DBX2: variants seen among roughly 807,000 people sequenced by gnomAD.
The protein encoded by DBX2 is homeobox protein DBX2.
A neutral mutation model predicts 17.7 loss-of-function variants in DBX2; 16 were observed. The observed-to-expected ratio is 0.90, with a 90% CI of 0.61 to 1.37. The LOEUF is 1.37. Ranked by LOEUF, DBX2 falls within the 40% of genes most tolerant of loss-of-function variation. The pLI is 0.00. For missense variants in DBX2, 538 were observed against 433.8 expected (o/e 1.24, Z -2.13); for synonymous variants, 255 against 183.8 (o/e 1.39, Z -3.13).
chr12:45,038,780 C>A (rs991918736), intron 1 of DBX2, among the ~76,000 whole-genome samples: 21 of 152,030 alleles, frequency 1.4e-4, no homozygotes, highest in Non-Finnish European at 2.1e-4. Context: ...ATGTGGTTTA[C>A]AGATATCTGA....
intron 1 of DBX2, among the ~76,000 whole-genome samples, chr12:45,049,576 G>A (rs1245938756): frequency 6.6e-6 from 1 of 151,294 alleles, no homozygotes; most frequent in Admixed American, 6.6e-5. Flanking sequence ...TGGGACAATG[G>A]AAACTGCTGA....
intron 3 of DBX2, among the ~76,000 whole-genome samples, chr12:45,021,170 T>G (rs1180061668): frequency 6.6e-6 from 1 of 152,148 alleles, no homozygotes; most frequent in Non-Finnish European, 1.5e-5. Flanking sequence ...ATTGATACAT[T>G]TGTGTAATGG....
chr12:45,046,866 G>A (rs780131504), intron 1 of DBX2, among the ~76,000 whole-genome samples: 5 of 152,120 alleles, frequency 3.3e-5, no homozygotes, highest in Non-Finnish European at 7.4e-5. Flanking sequence ...TACACAGAAT[G>A]ACTTACTTGG....
intron 1 of DBX2, among the ~76,000 whole-genome samples, chr12:45,039,325 A>C (rs1592757513): frequency 7.6e-6 from 1 of 132,288 alleles, no homozygotes; most frequent in South Asian, 2.5e-4. Flanking sequence ...ATATATATGT[A>C]TCACACTTTT....
chr12:45,019,048 T>C (rs1028570421), intron 3 of DBX2, among the ~76,000 whole-genome samples: 1 of 151,888 alleles, frequency 6.6e-6, no homozygotes, highest in Non-Finnish European at 1.5e-5. Context: ...GATGAAAAAA[T>C]TTCTGGAGAT....
At chr12:45,026,033 C>T (rs1440184212) in intron 2 of DBX2, among the ~76,000 whole-genome samples, 2 of 152,008 alleles carry the variant, frequency 1.3e-5, no homozygotes, top group African/African-American at 4.8e-5. Flanking sequence ...TTGGTCTTAG[C>T]ATGTTGGTTA....
At chr12:45,044,762 C>T (rs536390527) in intron 1 of DBX2, among the ~76,000 whole-genome samples, 2 of 151,980 alleles carry the variant, frequency 1.3e-5, no homozygotes, top group African/African-American at 2.4e-5. Flanking sequence ...GTTCACATAC[C>T]TCACAAAAGT....
At chr12:45,033,203 G>A (rs1396185684) in intron 2 of DBX2, among the ~76,000 whole-genome samples, 2 of 152,216 alleles carry the variant, frequency 1.3e-5, no homozygotes, top group Non-Finnish European at 2.9e-5. Flanking sequence ...ATCAGGTTAA[G>A]AGTCAAAATT....
chr12:45,042,024 T>C (rs900654721), intron 1 of DBX2, among the ~76,000 whole-genome samples: 9 of 152,198 alleles, frequency 5.9e-5, no homozygotes, highest in Non-Finnish European at 1.2e-4. Context: ...TAGAATTGTC[T>C]GGGCTGCTTC....
chr12:45,048,652 T>C (rs1338507932), intron 1 of DBX2, among the ~76,000 whole-genome samples: 1 of 152,226 alleles, frequency 6.6e-6, no homozygotes, highest in Non-Finnish European at 1.5e-5. Flanking sequence ...ATTCTGGTTT[T>C]TAAGCAGCAT....
chr12:45,046,928 T>A (rs951978834), intron 1 of DBX2, among the ~76,000 whole-genome samples: 1 of 152,228 alleles, frequency 6.6e-6, no homozygotes, highest in Admixed American at 6.5e-5. Flanking sequence ...GAATGAACAT[T>A]TGCTTTCCAA....
At chr12:45,032,508 G>A (rs1946415821) in intron 2 of DBX2, among the ~76,000 whole-genome samples, 1 of 152,138 alleles carries the variant, frequency 6.6e-6, no homozygotes, top group Non-Finnish European at 1.5e-5. Context: ...CTTTGACCAT[G>A]AAACTCACAG....
chr12:45,050,654 C>T lies in DBX2; in HGVS notation c.274G>A (p.Val92Ile). 1 of 1,549,348 alleles carries T rather than the reference C, an allele frequency of 6.5e-7. No individual in the cohort carries two copies. Among genetic ancestry groups the T allele is most frequent in the Non-Finnish European group, 8.7e-7 (1 of 1,146,686 alleles). Residue 92 changes from valine (V) to isoleucine (I), a missense_variant, in exon 1 of 4, where the codon GTT becomes ATT. Coordinates refer to ENST00000332700, the MANE Select transcript of DBX2 (RefSeq NM_001004329.3). ...PLKLCPAAEQ[V>I]SPAGAPYGTR... ...CCGTAGGGCGCCCCGGCGGGGCTAA[C>T]TTGTTCGGCTGCGGGGCACAGCTTT...
rs1946366014 is a variant in DBX2 at position 45,023,831 on chromosome 12, A to G, written c.563T>C (p.Leu188Ser). ...GTCCTCAGAAAAGACAGCTCTTCTTAAAATGCCCCTCCGAGCTTTGGAATT... is the reference window on the plus strand; with the variant it reads ...GTCCTCAGAAAAGACAGCTCTTCTTGAAATGCCCCTCCGAGCTTTGGAATT... Reference protein sequence around the residue: ...DSNSKARRGILRRAVFSEDQR... With the variant: ...DSNSKARRGISRRAVFSEDQR... Residue 188 changes from leucine to serine, a missense_variant, in exon 3 of 4, where the codon TTA becomes TCA. Coordinates refer to ENST00000332700, the MANE Select transcript of DBX2 (RefSeq NM_001004329.3). 1.2e-6 allele frequency: 2 copies of G among 1,609,868 alleles called. No homozygotes were observed. The highest frequency in any genetic ancestry group is 1.3e-5 in the African/African-American group (1 of 74,594).
chr12:45,023,887 C>T lies in DBX2; in HGVS notation c.507G>A (p.Glu169=). ...CCTGTGTCAGGAGAGGCAGCATGCT[C>T]TCTTCTCCTAGAGTCGAGGGAAAAA... ...PASSTAFPRE[E]SMLPLLTQDS... Residue 169 remains glutamate, a synonymous_variant, in exon 3 of 4, where the codon GAG becomes GAA. Coordinates refer to ENST00000332700, the MANE Select transcript of DBX2 (RefSeq NM_001004329.3). The T allele has an allele frequency of 1.9e-6, 3 of 1,556,030 alleles. No individual in the cohort carries two copies. In the South Asian group the frequency reaches 3.8e-5, roughly 20 times the overall value.
rs772276153 is a variant in DBX2, at chr12:45,014,770, A to G, written c.*1516T>C. On this transcript the variant is annotated 3_prime_UTR_variant, in exon 4 of 4. Coordinates refer to ENST00000332700, the MANE Select transcript of DBX2 (RefSeq NM_001004329.3). The stretch of plus-strand genomic sequence containing the variant: ...GAGACACACTTCTAAAATGACTTTT[A>G]AGTAAAAGATCATGTGGTAAAGACA... The G allele has an allele frequency of 6.6e-6, 1 of 152,324 alleles. No individual in the cohort carries two copies. Among genetic ancestry groups the G allele is most frequent in the Middle Eastern group, 3.4e-3 (1 of 294 alleles). The allele number at this position is 152,324 out of a possible 1,614,324, so 9.4% of individuals were successfully genotyped here. A position where few individuals can be genotyped will look rare whatever the true frequency, so the allele number is the denominator to read the frequency against.
At chr12:45,022,844 G>A (rs553169858) in intron 3 of DBX2, among the ~76,000 whole-genome samples, 29 of 152,242 alleles carry the variant, frequency 1.9e-4, no homozygotes, top group African/African-American at 7.0e-4. Flanking sequence ...TGAACTCTAT[G>A]CACAACTGTA....
chr12:45,020,825 G>A (rs1001841645), intron 3 of DBX2, among the ~76,000 whole-genome samples: 1 of 151,878 alleles, frequency 6.6e-6, no homozygotes, highest in African/African-American at 2.4e-5. Context: ...AAGTGTTTGT[G>A]TTATTATATG....
chr12:45,043,169 T>C (rs948246288), intron 1 of DBX2, among the ~76,000 whole-genome samples: 5 of 152,170 alleles, frequency 3.3e-5, no homozygotes, highest in African/African-American at 1.2e-4. Context: ...GATTTCACCC[T>C]GGGACAGATT....
Sources: allele counts gnomAD v4.1 joint callset (sites outside exome capture counted in the v4.1 genomes callset), GRCh38; gene constraint gnomAD v4.1.1; transcripts MANE v1.5; gene names NCBI Gene and HGNC (gene_info 2026-07-23, HGNC 2026-07-21).